Variants in TRPS1 observed in about 807,000 individuals in gnomAD.
The protein encoded by TRPS1 is zinc finger transcription factor Trps1.
In TRPS1, 6 loss-of-function variants were observed where a neutral mutation model predicts 101.2. The ratio of observed to expected loss-of-function variants is 0.06; its 90% CI spans 0.03 to 0.12. TRPS1 has a LOEUF of 0.12. TRPS1 is among the 10% of genes least tolerant of loss of function. The pLI is 1.00. For synonymous variants in TRPS1, 578 were observed against 589.8 expected, an observed-to-expected ratio of 0.98 and a Z score of 0.29; for missense variants, 1,363 against 1,567.0, an observed-to-expected ratio of 0.87 and a Z score of 2.20.
chr8:115,661,163 A>G (rs1330505671), intron 1 of TRPS1, among the ~76,000 whole-genome samples: 1 of 152,070 alleles, frequency 6.6e-6, no homozygotes, highest in African/African-American at 2.4e-5. Context: ...ATTTTGATTT[A>G]TAATTTTTTT....
chr8:115,491,559 T>C (rs1477247414), intron 5 of TRPS1, among the ~76,000 whole-genome samples: 1 of 151,934 alleles, frequency 6.6e-6, no homozygotes, highest in Non-Finnish European at 1.5e-5. Context: ...GAGGGAGGAT[T>C]GTTTGAGATT....
chr8:115,604,428 C>A lies in TRPS1; in HGVS notation c.1541G>T (p.Ser514Ile), dbSNP rs558232936. 2.1e-5 allele frequency: 34 copies of A among 1,614,048 alleles called. No homozygotes were observed. In the East Asian group the frequency reaches 7.6e-4, roughly 36 times the overall value. ...EGETMTKTDK[S>I]SSGAKKKDFS... Reference sequence around the variant, plus strand: ...GTCCTTCTTTTTAGCCCCACTCGAGCTCTTGTCTGTCTTGGTCATTGTCTC... The same window carrying A: ...GTCCTTCTTTTTAGCCCCACTCGAGATCTTGTCTGTCTTGGTCATTGTCTC... The change falls in exon 4 of 7, where the codon AGC (serine) becomes ATC (isoleucine). Residue 514 changes from serine to isoleucine, a missense_variant. Coordinates refer to ENST00000395715, the MANE Select transcript of TRPS1 (RefSeq NM_014112.5). The surrounding 1 kb of genome is among the most constrained non-coding windows in gnomAD (Gnocchi z 4.1).
intron 5 of TRPS1, among the ~76,000 whole-genome samples, chr8:115,447,960 A>T (rs1040799356): frequency 6.6e-6 from 1 of 152,186 alleles, no homozygotes. Flanking sequence ...ATGCTTGCTT[A>T]GTAAGCCTCT....
At chr8:115,558,211 T>C (rs1816869737) in intron 5 of TRPS1, among the ~76,000 whole-genome samples, 1 of 152,184 alleles carries the variant, frequency 6.6e-6, no homozygotes, top group African/African-American at 2.4e-5. Context: ...GGACACATGA[T>C]GATAAACCAT....
intron 1 of TRPS1, among the ~76,000 whole-genome samples, chr8:115,667,238 G>C (rs898089499): frequency 1.3e-5 from 2 of 152,098 alleles, no homozygotes; most frequent in African/African-American, 4.8e-5. Flanking sequence ...AACAGTTGCT[G>C]ACTTCCCTGG....
At chr8:115,531,220 G>A (rs1816123271) in intron 5 of TRPS1, among the ~76,000 whole-genome samples, 1 of 152,138 alleles carries the variant, frequency 6.6e-6, no homozygotes, top group Admixed American at 6.5e-5. Context: ...GAAATTTTGA[G>A]AAGGAAACAT....
chr8:115,490,267 T>C (rs560866544), intron 5 of TRPS1, among the ~76,000 whole-genome samples: 1 of 152,200 alleles, frequency 6.6e-6, no homozygotes. Context: ...AACCGTGAAA[T>C]AACTCTTTGC....
At chr8:115,582,673 CAACTTGGAACTCAACTTCCAG>C (rs1170007265) in intron 5 of TRPS1, among the ~76,000 whole-genome samples, 3 of 152,242 alleles carry the variant, frequency 2.0e-5, no homozygotes, top group Admixed American at 6.5e-5. Flanking sequence ...GTCAGTGGCT[CAACTTGGAACTCAACTTCCAG>C]AACTTGGAAC....
chr8:115,473,662 G>GTTGACCAAATGGCTTATGCTA (rs1195178147), intron 5 of TRPS1, among the ~76,000 whole-genome samples: 6 of 152,158 alleles, frequency 3.9e-5, no homozygotes, highest in Non-Finnish European at 8.8e-5. Flanking sequence ...TTTCACTTGT[G>GTTGACCAAATGGCTTATGCTA]TTGACCAAAT....
intron 5 of TRPS1, among the ~76,000 whole-genome samples, chr8:115,530,928 C>T (rs977324873): frequency 6.6e-6 from 1 of 151,526 alleles, no homozygotes; most frequent in Admixed American, 6.6e-5. Context: ...CAGGGCCTGT[C>T]ATGGGGTGGG....
chr8:115,529,255 G>A (rs886210828), intron 5 of TRPS1, among the ~76,000 whole-genome samples: 3 of 152,032 alleles, frequency 2.0e-5, no homozygotes, highest in Admixed American at 6.6e-5. Context: ...GAGCAGAACT[G>A]TGGAGGTCAG....
intron 5 of TRPS1, among the ~76,000 whole-genome samples, chr8:115,526,584 G>C (rs1209195196): frequency 6.6e-6 from 1 of 152,134 alleles, no homozygotes; most frequent in Non-Finnish European, 1.5e-5. Context: ...AGAGAGAAGA[G>C]AGAATGCCTA....
At chr8:115,599,699 C>T (rs751187704) in intron 4 of TRPS1, among the ~76,000 whole-genome samples, 23 of 152,240 alleles carry the variant, frequency 1.5e-4, no homozygotes, top group South Asian at 2.1e-4. Context: ...CATAGTATTC[C>T]GTGGTGTATA....
In TRPS1 at chr8:115,528,224, T is replaced by C. The variant is rs533302051; in HGVS notation, c.2700+58777A>G. 4.5e-3 allele frequency among the ~76,000 whole-genome samples: 689 copies of C among 152,150 alleles called. 2 individuals carry two copies. Among genetic ancestry groups the C allele is most frequent in the Non-Finnish European group, 7.9e-3 (535 of 67,924 alleles). On this transcript the variant is annotated intron_variant, in intron 5 of 6. Coordinates refer to ENST00000395715, the MANE Select transcript of TRPS1 (RefSeq NM_014112.5). ...TAATTTGCAAGCTGAGCAATTTACG[T>C]GAAAAAAGTTGTTACACTCCCCTTT...
At chr8:115,451,144 T>C (rs953675235) in intron 5 of TRPS1, among the ~76,000 whole-genome samples, 27 of 152,224 alleles carry the variant, frequency 1.8e-4, no homozygotes, top group African/African-American at 6.0e-4. Flanking sequence ...TGTATATTCA[T>C]GTTGATTGCT....
Position 115,587,298 on chromosome 8 carries a change from G to A in TRPS1, c.2403C>T (p.Asp801=). 6.2e-7 allele frequency: 1 copy of A among 1,614,192 alleles called. No homozygotes were observed. The highest frequency in any genetic ancestry group is 8.5e-7 in the Non-Finnish European group (1 of 1,180,026). The change falls in exon 5 of 7, where the codon GAC becomes GAT. Residue 801 remains aspartate, a synonymous_variant. Transcript: ENST00000395715. ...CCCCTCTCCAAGTCACATTGCGAAG[G>A]TCATCACTGGAACTCTCGGTCCAAA... is the stretch of plus-strand genomic sequence containing the variant. The part of the protein sequence containing the change: ...EKVWTESSSD[D]LRNVTWRGAD...
At chr8:115,460,544 C>G (rs1459601565) in intron 5 of TRPS1, among the ~76,000 whole-genome samples, 2 of 151,766 alleles carry the variant, frequency 1.3e-5, no homozygotes, top group African/African-American at 4.8e-5. Context: ...ATTATACTTA[C>G]AAAAATAATA....
chr8:115,473,938 C>T (rs1814535306), intron 5 of TRPS1, among the ~76,000 whole-genome samples: 1 of 152,112 alleles, frequency 6.6e-6, no homozygotes, highest in South Asian at 2.1e-4. Context: ...CTAAGGAGTT[C>T]TTCAGTTTTC....
chr8:115,564,222 A>G (rs1273764018), intron 5 of TRPS1, among the ~76,000 whole-genome samples: 2 of 152,124 alleles, frequency 1.3e-5, no homozygotes, highest in East Asian at 1.9e-4. Context: ...GATTTGCAAT[A>G]AAGATACAAC....
Sources: allele counts gnomAD v4.1 joint callset (sites outside exome capture counted in the v4.1 genomes callset), GRCh38; gene constraint gnomAD v4.1.1; non-coding constraint Gnocchi (gnomAD v3.1); transcripts MANE v1.5; gene names NCBI Gene and HGNC (gene_info 2026-07-23, HGNC 2026-07-21).